Variants in RASGRF1 observed in about 807,000 individuals in gnomAD.
RASGRF1 encodes Ras protein specific guanine nucleotide releasing factor 1.
RASGRF1 carries 40 observed loss-of-function variants against 138.7 expected under a neutral mutation model. The observed-to-expected ratio is 0.29, with a 90% confidence interval of 0.22 to 0.38. The LOEUF (loss-of-function observed/expected upper bound fraction) is 0.38. Among genes scored for constraint, RASGRF1 ranks in the 10% least tolerant of loss-of-function variants. RASGRF1 has a pLI of 1.00. For synonymous variants in RASGRF1, 614 were observed against 663.2 expected (o/e 0.93, Z 1.14); for missense variants, 1,108 against 1,650.4 (o/e 0.67, Z 5.69).
intron 11 of RASGRF1, among the ~76,000 whole-genome samples, chr15:79,019,196 G>C (rs1161574422): frequency 6.6e-6 from 1 of 152,158 alleles, no homozygotes; most frequent in Admixed American, 6.5e-5. Flanking sequence ...CCCAGTCTGA[G>C]GAGGGAAAAG....
intron 20 of RASGRF1, among the ~76,000 whole-genome samples, chr15:78,992,936 G>T (rs984808413): frequency 6.6e-6 from 1 of 151,380 alleles, no homozygotes; most frequent in Admixed American, 6.6e-5. Context: ...CTGACGTCAG[G>T]GATCTCCAGC....
chr15:78,972,252 C>A (rs567590975), intron 25 of RASGRF1, among the ~76,000 whole-genome samples: 55 of 152,038 alleles, frequency 3.6e-4, no homozygotes, highest in Non-Finnish European at 6.2e-4. Flanking sequence ...CATGCCACCA[C>A]GCCCGGCTAA....
rs1288258122 is a variant in RASGRF1, at chr15:79,080,534, A to G, written c.276+9689T>C. On this transcript the variant is annotated intron_variant, in intron 1 of 26. Coordinates refer to ENST00000558480, the MANE Select transcript of RASGRF1 (RefSeq NM_001145648.3). The stretch of plus-strand genomic sequence containing the variant: ...TTCACTCATATAGTCTCACAGGAAA[A>G]GTTCATCTTGATCACGTTTCTCTAA... Among the ~76,000 whole-genome samples the G allele has an allele frequency of 2.0e-5, 3 of 152,346 alleles. No individual in the cohort carries two copies. In the East Asian group the frequency reaches 5.8e-4, roughly 29 times the overall value.
intron 6 of RASGRF1, among the ~76,000 whole-genome samples, chr15:79,033,581 C>CTT (rs71148586): frequency 0.021 from 1,977 of 93,784 alleles, 88 homozygotes; most frequent in African/African-American, 0.042. Flanking sequence ...TTTTTCTTTT[C>CTT]TTTTTTTTTT....
intron 12 of RASGRF1, among the ~76,000 whole-genome samples, chr15:79,016,595 G>T (rs948770424): frequency 6.6e-6 from 1 of 152,212 alleles, no homozygotes. Context: ...TGACGGCTGC[G>T]GCTCACTGGG....
intron 5 of RASGRF1, among the ~76,000 whole-genome samples, chr15:79,042,793 G>T (rs1321026111): frequency 1.3e-5 from 2 of 152,206 alleles, no homozygotes; most frequent in South Asian, 4.1e-4. Flanking sequence ...CACAATGCAG[G>T]TCCCACAAAG....
At chr15:79,082,881 C>T (rs940809431) in intron 1 of RASGRF1, among the ~76,000 whole-genome samples, 1 of 152,158 alleles carries the variant, frequency 6.6e-6, no homozygotes, top group Non-Finnish European at 1.5e-5. Flanking sequence ...CTGCGAGAGA[C>T]CCCAGGGACC....
In RASGRF1 at chr15:78,973,295, G is replaced by GA; in HGVS notation, c.3612+7dup. On this transcript the variant is annotated splice_region_variant and intron_variant, in intron 25 of 26. Coordinates refer to ENST00000558480, the MANE Select transcript of RASGRF1 (RefSeq NM_001145648.3). The surrounding 1 kb of genome is among the most constrained non-coding windows in gnomAD (Gnocchi z 4.9). The stretch of plus-strand genomic sequence containing the variant: ...CCCCCTTCCCCTGCCTGGCTGGGGG[G>GA]AACGCACCATCCTCATCTTGGAGAA... The GA allele has an allele frequency of 6.3e-7, 1 of 1,593,244 alleles. No homozygotes were observed. The highest frequency in any genetic ancestry group is 8.6e-7 in the Non-Finnish European group (1 of 1,163,744).
intron 16 of RASGRF1, among the ~76,000 whole-genome samples, chr15:79,001,105 G>A (rs2056512837): frequency 6.6e-6 from 1 of 152,232 alleles, no homozygotes; most frequent in African/African-American, 2.4e-5. Context: ...AGGATCAGGA[G>A]TCTGGGACTG....
At chr15:79,005,337 C>G in intron 14 of RASGRF1, 2 of 985,482 alleles carry the variant, frequency 2.0e-6, no homozygotes, top group East Asian at 2.3e-4. Context: ...AGGAGCTCTG[C>G]TCCAGGCAGC....
At position 79,030,856 on chromosome 15, in the gene RASGRF1, C is replaced by G. The variant is rs949908381; in HGVS notation, c.1262+544G>C. On this transcript the variant is annotated intron_variant, in intron 8 of 26. Transcript: ENST00000558480. ...GCTGCAAGAGCCCCCTCCGTGCTCC[C>G]CTGTGTCTGCCCTTGCAGAGGAAGC... Among the ~76,000 whole-genome samples the G allele has an allele frequency of 3.9e-5, 6 of 152,250 alleles. No homozygotes were observed. In the East Asian group the frequency reaches 1.2e-3, roughly 29 times the overall value.
chr15:78,978,215 C>CT lies in RASGRF1; in HGVS notation c.3494+2404dup, dbSNP rs2055915117. ...TTTTTCTTCTTTTTCTTTTTCTTTT[C>CT]TTTTGTTTTTTTTTTTTTTTTTTTT... On this transcript the variant is annotated intron_variant, in intron 24 of 26. Transcript: ENST00000558480. Among the ~76,000 whole-genome samples the CT allele has an allele frequency of 2.1e-3, 170 of 79,330 alleles. 4 individuals carry two copies. The highest frequency in any genetic ancestry group is 8.4e-3 in the African/African-American group (165 of 19,604). 52.0% of individuals were successfully genotyped at this position (79,330 alleles called of 152,430 possible). A position where few individuals can be genotyped will look rare whatever the true frequency, so the allele number is the denominator to read the frequency against.
chr15:79,001,692 GTGT>G lies in RASGRF1; in HGVS notation c.2542_2544del (p.Thr848del), dbSNP rs1567490576. The G allele has an allele frequency of 4.3e-6, 7 of 1,612,224 alleles. No homozygotes were observed. Among genetic ancestry groups the G allele is most frequent in the Admixed American group, 1.7e-5 (1 of 60,014 alleles). On this transcript the variant is annotated inframe_deletion, in exon 16 of 27. Transcript: ENST00000558480. ...GAATTTTTGTTTTTGACTGATTTGGGTGTTGTTGGAGATTTAGTTGGTGATGTT... is the reference window on the plus strand; with the variant it reads ...GAATTTTTGTTTTTGACTGATTTGGGTGTTGGAGATTTAGTTGGTGATGTT...
intron 5 of RASGRF1, among the ~76,000 whole-genome samples, chr15:79,039,380 T>C (rs771852959): frequency 1.3e-5 from 2 of 151,832 alleles, no homozygotes; most frequent in African/African-American, 2.4e-5. Flanking sequence ...ATTTTGTTGA[T>C]CTTGGATTAG....
intron 3 of RASGRF1, among the ~76,000 whole-genome samples, chr15:79,057,059 C>T (rs1418355526): frequency 6.6e-6 from 1 of 152,212 alleles, no homozygotes; most frequent in African/African-American, 2.4e-5. Flanking sequence ...ATCCCAGACC[C>T]CAAGACCTCT....
At chr15:78,975,624 G>A (rs960336966) in intron 24 of RASGRF1, among the ~76,000 whole-genome samples, 8 of 151,594 alleles carry the variant, frequency 5.3e-5, no homozygotes, top group Non-Finnish European at 1.0e-4. Context: ...TGGTCCTCCT[G>A]CCTCAGCCTC....
At chr15:79,078,665 A>G (rs906094552) in intron 1 of RASGRF1, among the ~76,000 whole-genome samples, 1 of 151,804 alleles carries the variant, frequency 6.6e-6, no homozygotes, top group Admixed American at 6.6e-5. Context: ...TCAGGACCCC[A>G]CTTTGTGACC....
At chr15:79,080,821 T>G (rs2057904763) in intron 1 of RASGRF1, among the ~76,000 whole-genome samples, 1 of 152,196 alleles carries the variant, frequency 6.6e-6, no homozygotes, top group African/African-American at 2.4e-5. Flanking sequence ...AGCCTCAATG[T>G]CCACTAGACC....
At chr15:78,979,787 C>G (rs191237049) in intron 24 of RASGRF1, among the ~76,000 whole-genome samples, 1 of 152,120 alleles carries the variant, frequency 6.6e-6, no homozygotes, top group Non-Finnish European at 1.5e-5. Context: ...GGCCTTGGAC[C>G]GTCCACGTGG....
Sources: gnomAD v4.1 joint callset for allele counts (sites outside exome capture counted in the v4.1 genomes callset) on GRCh38, gnomAD v4.1.1 for gene constraint, Gnocchi (gnomAD v3.1) non-coding constraint, MANE v1.5 for transcripts, NCBI Gene and HGNC (gene_info 2026-07-23, HGNC 2026-07-21) for gene names.